Variants in WDR70 observed in about 807,000 individuals in gnomAD.
WDR70 encodes WD repeat-containing protein 70.
WDR70 carries 53 observed loss-of-function variants against 88.6 expected under a neutral mutation model. The observed-to-expected ratio is 0.60, with a 90% CI of 0.48 to 0.75. WDR70 has a LOEUF of 0.75. WDR70 is among the 30% of genes least tolerant of loss of function. The pLI is 0.00. For missense variants in WDR70, 610 were observed against 823.2 expected, an observed-to-expected ratio of 0.74 and a Z score of 3.17; for synonymous variants, 280 against 270.0, an observed-to-expected ratio of 1.04 and a Z score of -0.36.
At chr5:37,591,780 C>T (rs1231696300) in intron 9 of WDR70, among the ~76,000 whole-genome samples, 1 of 152,040 alleles carries the variant, frequency 6.6e-6, no homozygotes, top group Non-Finnish European at 1.5e-5. Context: ...AAATCCTTAA[C>T]GAAACATCAG....
At chr5:37,725,136 C>T in intron 16 of WDR70, 86 bp downstream of exon 16, 1 of 1,074,778 alleles carries the variant, frequency 9.3e-7, no homozygotes, top group South Asian at 1.4e-5. Context: ...GTCTTTTGGG[C>T]CTGGATGCTT....
At chr5:37,469,445 GA>G (rs1437881257) in intron 7 of WDR70, among the ~76,000 whole-genome samples, 1 of 152,162 alleles carries the variant, frequency 6.6e-6, no homozygotes, top group East Asian at 1.9e-4. Context: ...CTTTACTAGG[GA>G]ATTAGCAATG....
chr5:37,686,193 G>A (rs1746592375), intron 10 of WDR70, among the ~76,000 whole-genome samples: 1 of 146,636 alleles, frequency 6.8e-6, no homozygotes, highest in African/African-American at 2.5e-5. Context: ...GGCTTGTGTT[G>A]TAGTCACAGT....
intron 13 of WDR70, among the ~76,000 whole-genome samples, chr5:37,704,783 G>A (rs1385487247): frequency 1.3e-5 from 2 of 152,070 alleles, no homozygotes; most frequent in African/African-American, 2.4e-5. Flanking sequence ...GTAAATCTTC[G>A]GTTAGGTGTG....
At chr5:37,596,472 G>A (rs963384359) in intron 9 of WDR70, among the ~76,000 whole-genome samples, 1 of 152,168 alleles carries the variant, frequency 6.6e-6, no homozygotes, top group Non-Finnish European at 1.5e-5. Context: ...CGAAAGGGTA[G>A]TGTGAAACTT....
intron 5 of WDR70, among the ~76,000 whole-genome samples, chr5:37,437,156 G>A (rs1473628498): frequency 6.6e-6 from 1 of 152,150 alleles, no homozygotes; most frequent in Non-Finnish European, 1.5e-5. Flanking sequence ...GGGATGAGAA[G>A]AGACCGTGTC....
chr5:37,420,543 G>C (rs1307540323), intron 5 of WDR70, among the ~76,000 whole-genome samples: 1 of 152,180 alleles, frequency 6.6e-6, no homozygotes, highest in African/African-American at 2.4e-5. Flanking sequence ...GGGCTTAAGT[G>C]ATCTTTCTGC....
At chr5:37,399,898 G>A (rs964452453) in intron 5 of WDR70, among the ~76,000 whole-genome samples, 13 of 151,964 alleles carry the variant, frequency 8.6e-5, no homozygotes, top group South Asian at 2.1e-4. Context: ...GATTAACTTC[G>A]TGTAGAATAC....
chr5:37,656,125 G>A (rs1745548252), intron 10 of WDR70, among the ~76,000 whole-genome samples: 1 of 151,866 alleles, frequency 6.6e-6, no homozygotes, highest in African/African-American at 2.4e-5. Flanking sequence ...TGGGGTTTTT[G>A]TGTGGACATC....
At chr5:37,527,145 A>G (rs896310453) in intron 9 of WDR70, among the ~76,000 whole-genome samples, 1 of 152,198 alleles carries the variant, frequency 6.6e-6, no homozygotes, top group Non-Finnish European at 1.5e-5. Flanking sequence ...TAAAGTTTAT[A>G]TGGAACCAAA....
At chr5:37,660,416 A>G (rs1285320765) in intron 10 of WDR70, among the ~76,000 whole-genome samples, 1 of 149,558 alleles carries the variant, frequency 6.7e-6, no homozygotes, top group Non-Finnish European at 1.5e-5. Flanking sequence ...TTGAAATCTC[A>G]TCTATAGTTG....
chr5:37,399,500 C>T (rs911645474), intron 5 of WDR70, among the ~76,000 whole-genome samples: 40 of 152,184 alleles, frequency 2.6e-4, no homozygotes, highest in African/African-American at 9.6e-4. Flanking sequence ...ATTTTTTTCT[C>T]TAAAAATCAG....
At chr5:37,566,578 A>C (rs934677779) in intron 9 of WDR70, among the ~76,000 whole-genome samples, 1 of 152,094 alleles carries the variant, frequency 6.6e-6, no homozygotes, top group Non-Finnish European at 1.5e-5. Flanking sequence ...AAACTTTGCA[A>C]TTTTTCTCAG....
intron 7 of WDR70, among the ~76,000 whole-genome samples, chr5:37,454,326 A>T (rs1738767726): frequency 6.6e-6 from 1 of 152,212 alleles, no homozygotes; most frequent in South Asian, 2.1e-4. Context: ...TTTTTTAAAA[A>T]AATAAAAATA....
At chr5:37,505,815 G>A in intron 8 of WDR70, 2 of 1,395,324 alleles carry the variant, frequency 1.4e-6, no homozygotes, top group South Asian at 1.2e-5. Flanking sequence ...CTCTAAATTG[G>A]TTCCTGCCAG....
At chr5:37,747,230 T>C (rs183384069) in intron 17 of WDR70, among the ~76,000 whole-genome samples, 1 of 152,180 alleles carries the variant, frequency 6.6e-6, no homozygotes, top group Admixed American at 6.5e-5. Context: ...CAGACACTTC[T>C]CAAAAGAAGA....
chr5:37,654,693 A>G (rs1745501451), intron 10 of WDR70, among the ~76,000 whole-genome samples: 1 of 152,170 alleles, frequency 6.6e-6, no homozygotes, highest in Non-Finnish European at 1.5e-5. Context: ...TCCCTTTACC[A>G]TTATGTAATG....
chr5:37,660,522 G>T, intron 10 of WDR70, among the ~76,000 whole-genome samples: 1 of 149,646 alleles, frequency 6.7e-6, no homozygotes, highest in Non-Finnish European at 1.5e-5. Flanking sequence ...TTTTTTTGCT[G>T]AATTGACCCT....
At chr5:37,468,240 G>A (rs1251524239) in intron 7 of WDR70, among the ~76,000 whole-genome samples, 3 of 152,096 alleles carry the variant, frequency 2.0e-5, no homozygotes, top group South Asian at 4.2e-4. Flanking sequence ...AATCTGATAG[G>A]TTTCTTTCTC....
Sources: allele counts gnomAD v4.1 joint callset (sites outside exome capture counted in the v4.1 genomes callset), GRCh38; gene constraint gnomAD v4.1.1; transcripts MANE v1.5; gene names NCBI Gene and HGNC (gene_info 2026-07-23, HGNC 2026-07-21).